Variants in PPP2R2B observed in about 807,000 individuals in gnomAD.
PPP2R2B encodes serine/threonine-protein phosphatase 2A 55 kDa regulatory subunit B beta isoform.
PPP2R2B carries 5 observed loss-of-function variants against 46.0 expected under a neutral mutation model. That is an observed-to-expected ratio of 0.11 (90% CI 0.06 to 0.23). The LOEUF (loss-of-function observed/expected upper bound fraction) is 0.23. Among genes scored for constraint, PPP2R2B ranks in the 10% least tolerant of loss-of-function variants. The pLI is 1.00. For missense variants in PPP2R2B, 367 were observed against 575.0 expected (o/e 0.64, Z 3.70); for synonymous variants, 215 against 206.7 (o/e 1.04, Z -0.34).
intron 1 of PPP2R2B, among the ~76,000 whole-genome samples, chr5:146,901,162 A>G (rs1304232762): frequency 6.6e-6 from 1 of 152,210 alleles, no homozygotes. Flanking sequence ...ATGACCAAGA[A>G]GCTTCCATTA....
intron 1 of PPP2R2B, among the ~76,000 whole-genome samples, chr5:147,053,545 A>AACACACACACACACACACAC (rs5872002): frequency 2.3e-4 from 34 of 148,642 alleles, no homozygotes; most frequent in African/African-American, 7.1e-4. Flanking sequence ...CAACAATATA[A>AACACACACACACACACACAC]ACACACACAC....
At chr5:146,634,770 AC>A (rs1774693053) in intron 7 of PPP2R2B, among the ~76,000 whole-genome samples, 2 of 123,588 alleles carry the variant, frequency 1.6e-5, no homozygotes, top group African/African-American at 1.0e-4. Flanking sequence ...ACTTACACAC[AC>A]ACACACACAC....
intron 1 of PPP2R2B, among the ~76,000 whole-genome samples, chr5:147,033,717 C>T (rs926051566): frequency 1.7e-4 from 26 of 152,052 alleles, no homozygotes; most frequent in African/African-American, 6.0e-4. Flanking sequence ...TCATTGACAC[C>T]ATACTTAAAC....
At chr5:147,055,738 T>G (rs1757057255) in exon 1 of PPP2R2B, 1 of 1,612,730 alleles carries the variant, frequency 6.2e-7, no homozygotes, top group Non-Finnish European at 8.5e-7. Context: ...GAGAGAAGCA[T>G]TTCATCTTCC....
chr5:146,596,789 T>C (rs1581674150), intron 8 of PPP2R2B, among the ~76,000 whole-genome samples: 1 of 152,122 alleles, frequency 6.6e-6, no homozygotes, highest in African/African-American at 2.4e-5. Flanking sequence ...ACAGGAACAC[T>C]AAATAACAGG....
chr5:146,852,080 TA>T (rs1022426398), intron 2 of PPP2R2B, among the ~76,000 whole-genome samples: 2 of 151,938 alleles, frequency 1.3e-5, no homozygotes, highest in Non-Finnish European at 2.9e-5. Context: ...AGAAAAAAAT[TA>T]AAATTAAAGT....
chr5:146,697,743 C>A (rs1779265311), intron 4 of PPP2R2B, among the ~76,000 whole-genome samples: 1 of 152,122 alleles, frequency 6.6e-6, no homozygotes, highest in Admixed American at 6.5e-5. Flanking sequence ...TTGAAAACTG[C>A]AGATAATGGG....
chr5:146,943,921 A>G (rs1009846466), intron 1 of PPP2R2B, among the ~76,000 whole-genome samples: 1 of 152,120 alleles, frequency 6.6e-6, no homozygotes, highest in Non-Finnish European at 1.5e-5. Flanking sequence ...CTAACTTTGT[A>G]TTGGATTGGT....
chr5:146,699,886 T>C (rs1779432615), intron 3 of PPP2R2B, among the ~76,000 whole-genome samples: 1 of 152,094 alleles, frequency 6.6e-6, no homozygotes, highest in Non-Finnish European at 1.5e-5. Context: ...TAGGCAGCTC[T>C]GGAAAAGCAG....
At position 146,802,943 on chromosome 5, in the gene PPP2R2B, T is replaced by G. The variant is rs190441048; in HGVS notation, c.70+75059A>C. ...CTAAGCTTCGGATAAATTTTACTCC[T>G]GTCCTCACTATCAACATTAATAAAA... On this transcript the variant is annotated intron_variant, in intron 2 of 9. Transcript: ENST00000394411. Among the ~76,000 whole-genome samples, 7 of 152,314 alleles carry G rather than the reference T, an allele frequency of 4.6e-5. No homozygotes were observed. In the East Asian group the frequency reaches 1.4e-3, roughly 29 times the overall value.
intron 1 of PPP2R2B, among the ~76,000 whole-genome samples, chr5:147,010,711 G>C (rs760480443): frequency 6.6e-6 from 1 of 152,118 alleles, no homozygotes; most frequent in Non-Finnish European, 1.5e-5. Flanking sequence ...CCCTCCTGCT[G>C]TGTGGCCCAG....
At chr5:146,845,314 G>T (rs10040002) in intron 2 of PPP2R2B, among the ~76,000 whole-genome samples, 140,000 of 140,552 alleles carry the variant, frequency 1, 69,725 homozygotes, top group Non-Finnish European at 1. Context: ...TCTTTTTTTT[G>T]TTTTTTTTTG....
chr5:146,645,202 T>G (rs1432691363), intron 6 of PPP2R2B, among the ~76,000 whole-genome samples: 1 of 152,246 alleles, frequency 6.6e-6, no homozygotes, highest in Non-Finnish European at 1.5e-5. Flanking sequence ...TGAGTTGCTT[T>G]GAGATCTTTT....
At chr5:146,874,612 T>A (rs1315760210) in intron 2 of PPP2R2B, among the ~76,000 whole-genome samples, 1 of 152,212 alleles carries the variant, frequency 6.6e-6, no homozygotes, top group Non-Finnish European at 1.5e-5. Flanking sequence ...AACAGAGCAG[T>A]TATTTTAAAA....
intron 1 of PPP2R2B, among the ~76,000 whole-genome samples, chr5:147,039,925 T>C (rs988387856): frequency 6.6e-6 from 1 of 152,138 alleles, no homozygotes; most frequent in African/African-American, 2.4e-5. Context: ...CTAAATTTCC[T>C]CTGTAGACAA....
chr5:147,057,394 T>C (rs980218381), upstream of PPP2R2B, among the ~76,000 whole-genome samples: 4 of 152,204 alleles, frequency 2.6e-5, no homozygotes, highest in Admixed American at 6.5e-5. Context: ...GAAGACTATA[T>C]GCAGGAGTGT....
At chr5:147,009,401 G>A (rs1025603634) in intron 1 of PPP2R2B, among the ~76,000 whole-genome samples, 1 of 152,028 alleles carries the variant, frequency 6.6e-6, no homozygotes, top group South Asian at 2.1e-4. Context: ...TATGAATGAG[G>A]TAGGGGATAC....
chr5:146,929,479 A>C (rs1039374683), intron 1 of PPP2R2B, among the ~76,000 whole-genome samples: 1 of 152,200 alleles, frequency 6.6e-6, no homozygotes, highest in African/African-American at 2.4e-5. Context: ...GAGCATAGGT[A>C]AAAGAAATGT....
At chr5:147,024,816 C>T (rs1755452643) in intron 1 of PPP2R2B, among the ~76,000 whole-genome samples, 1 of 151,958 alleles carries the variant, frequency 6.6e-6, no homozygotes, top group Non-Finnish European at 1.5e-5. Context: ...CAGATAAAGG[C>T]ACACTTAGAA....
Sources: allele counts gnomAD v4.1 joint callset (sites outside exome capture counted in the v4.1 genomes callset), GRCh38; gene constraint gnomAD v4.1.1; transcripts MANE v1.5; gene names NCBI Gene and HGNC (gene_info 2026-07-23, HGNC 2026-07-21).